Variants in CNTN3 observed in about 807,000 individuals in gnomAD.
The protein encoded by CNTN3 is contactin 3, also known as contactin-3.
Under a neutral mutation model 119.1 loss-of-function variants are expected in CNTN3, and 60 were observed. The ratio of observed to expected loss-of-function variants is 0.50; its 90% CI spans 0.41 to 0.62. The LOEUF is 0.62. CNTN3 is among the 20% of genes least tolerant of loss of function. The pLI, the probability that CNTN3 is intolerant of heterozygous loss-of-function variation, is 0.00. For synonymous variants in CNTN3, 450 were observed against 438.7 expected, an observed-to-expected ratio of 1.03 and a Z score of -0.32; for missense variants, 1,101 against 1,242.4, an observed-to-expected ratio of 0.89 and a Z score of 1.71.
intron 18 of CNTN3, among the ~76,000 whole-genome samples, chr3:74,296,917 C>T (rs1314113251): frequency 2.0e-5 from 3 of 149,126 alleles, no homozygotes; most frequent in Non-Finnish European, 3.0e-5. Flanking sequence ...ACAGTTGTTG[C>T]TGATCTATGA....
intron 3 of CNTN3, 29 bp from the exon 4 acceptor site, chr3:74,486,660 C>A (rs189919724): frequency 3.3e-5 from 49 of 1,484,500 alleles, no homozygotes; most frequent in South Asian, 2.6e-4. Context: ...GGTTCCCCCC[C>A]CTTAGTATTT....
At chr3:74,520,814 C>G (rs1452240252) in intron 2 of CNTN3, among the ~76,000 whole-genome samples, 1 of 151,274 alleles carries the variant, frequency 6.6e-6, no homozygotes, top group Non-Finnish European at 1.5e-5. Flanking sequence ...CATAATATTA[C>G]AGTAGATCTG....
intron 4 of CNTN3, among the ~76,000 whole-genome samples, chr3:74,478,366 C>A (rs1316403887): frequency 2.0e-5 from 3 of 152,050 alleles, no homozygotes; most frequent in Non-Finnish European, 4.4e-5. Context: ...TGCCCTCCCC[C>A]ACACTAGAAG....
intron 5 of CNTN3, among the ~76,000 whole-genome samples, chr3:74,378,865 A>G (rs1704543869): frequency 6.6e-6 from 1 of 152,098 alleles, no homozygotes; most frequent in Admixed American, 6.5e-5. Flanking sequence ...TAGGGCTACC[A>G]TGGTGTCCTA....
At chr3:74,607,833 T>C (rs1325810000) in intron 1 of CNTN3, among the ~76,000 whole-genome samples, 3 of 152,208 alleles carry the variant, frequency 2.0e-5, no homozygotes, top group African/African-American at 7.2e-5. Flanking sequence ...GGACATTTGT[T>C]CTTTAAGTTA....
intron 13 of CNTN3, among the ~76,000 whole-genome samples, chr3:74,319,745 A>G (rs1373909787): frequency 6.6e-6 from 1 of 151,984 alleles, no homozygotes; most frequent in Non-Finnish European, 1.5e-5. Context: ...CAAAATGGGA[A>G]AAAATTTTCG....
At chr3:74,495,117 T>C (rs1703036834) in intron 3 of CNTN3, among the ~76,000 whole-genome samples, 1 of 152,004 alleles carries the variant, frequency 6.6e-6, no homozygotes. Flanking sequence ...ATTGTGGGTG[T>C]GGGGACCAGA....
At chr3:74,606,305 TC>T (rs764394737) in intron 1 of CNTN3, among the ~76,000 whole-genome samples, 8 of 152,040 alleles carry the variant, frequency 5.3e-5, no homozygotes, top group Non-Finnish European at 7.4e-5. Flanking sequence ...TGCCTCCCCA[TC>T]ATTTGATTTT....
intron 1 of CNTN3, among the ~76,000 whole-genome samples, chr3:74,585,064 A>T (rs1704572504): frequency 6.6e-6 from 1 of 152,198 alleles, no homozygotes; most frequent in South Asian, 2.1e-4. Context: ...GGTAACAAAT[A>T]CAGAGTGTTT....
chr3:74,268,387 T>G (rs1259877174), intron 20 of CNTN3, among the ~76,000 whole-genome samples: 2 of 152,330 alleles, frequency 1.3e-5, no homozygotes, highest in East Asian at 3.9e-4. Context: ...TTTGGCTAAC[T>G]GAATTTGTAA....
At chr3:74,600,313 G>A (rs776743391) in intron 1 of CNTN3, among the ~76,000 whole-genome samples, 2 of 152,074 alleles carry the variant, frequency 1.3e-5, no homozygotes, top group Non-Finnish European at 2.9e-5. Flanking sequence ...CTTGGGGTCT[G>A]AGATCAGTAG....
At chr3:74,540,988 T>C (rs941030790) in intron 1 of CNTN3, among the ~76,000 whole-genome samples, 1 of 152,066 alleles carries the variant, frequency 6.6e-6, no homozygotes, top group African/African-American at 2.4e-5. Flanking sequence ...CTGCATAAAA[T>C]ATAGAAAACC....
At chr3:74,281,354 AG>A (rs1471189907) in intron 20 of CNTN3, among the ~76,000 whole-genome samples, 1 of 152,056 alleles carries the variant, frequency 6.6e-6, no homozygotes, top group Non-Finnish European at 1.5e-5. Flanking sequence ...TTTTTGAGAC[AG>A]GGTTTTACTC....
intron 19 of CNTN3, among the ~76,000 whole-genome samples, chr3:74,292,922 T>C (rs961115817): frequency 2.0e-5 from 3 of 152,226 alleles, no homozygotes; most frequent in Admixed American, 6.5e-5. Flanking sequence ...TCTATTGTCA[T>C]GGAATTAAAG....
chr3:74,581,961 A>G (rs1451753898), intron 1 of CNTN3, among the ~76,000 whole-genome samples: 1 of 152,220 alleles, frequency 6.6e-6, no homozygotes, highest in African/African-American at 2.4e-5. Context: ...GACATAGATC[A>G]TAGGTCTAAA....
intron 20 of CNTN3, among the ~76,000 whole-genome samples, chr3:74,270,195 T>C (rs573273311): frequency 6.6e-6 from 1 of 152,160 alleles, no homozygotes; most frequent in African/African-American, 2.4e-5. Context: ...TGCCTGTAAA[T>C]AGGCATAATT....
At chr3:74,373,259 G>A (rs1234840373) in intron 5 of CNTN3, among the ~76,000 whole-genome samples, 2 of 152,200 alleles carry the variant, frequency 1.3e-5, no homozygotes, top group Non-Finnish European at 2.9e-5. Context: ...AGCAAGGTAG[G>A]TTGAGTTTGT....
At chr3:74,573,416 A>C (rs2106654551) in intron 1 of CNTN3, among the ~76,000 whole-genome samples, 1 of 152,296 alleles carries the variant, frequency 6.6e-6, no homozygotes, top group East Asian at 1.9e-4. Context: ...ATGGTTTCTC[A>C]GATATGATAC....
At chr3:74,567,790 G>A (rs1704250489) in intron 1 of CNTN3, among the ~76,000 whole-genome samples, 1 of 152,142 alleles carries the variant, frequency 6.6e-6, no homozygotes, top group Non-Finnish European at 1.5e-5. Context: ...AGTTTTAAGA[G>A]TATGTGAAAG....
Sources: allele counts gnomAD v4.1 joint callset (sites outside exome capture counted in the v4.1 genomes callset), GRCh38; gene constraint gnomAD v4.1.1; transcripts MANE v1.5; gene names NCBI Gene and HGNC (gene_info 2026-07-23, HGNC 2026-07-21).